Variants in SYNE2 observed in about 807,000 individuals in gnomAD.
SYNE2 encodes the protein nesprin-2.
In SYNE2, 431 loss-of-function variants were observed where a neutral mutation model predicts 856.3. That is an observed-to-expected ratio of 0.50 (90% confidence interval 0.47 to 0.55). The LOEUF is 0.55. Ranked by LOEUF, SYNE2 falls within the 20% of genes least tolerant of loss-of-function variation. SYNE2 has a pLI of 0.00. For synonymous variants in SYNE2, 2,923 were observed against 2,872.3 expected (o/e 1.02, Z -0.56); for missense variants, 8,129 against 8,023.2 (o/e 1.01, Z -0.50).
chr14:64,225,002 A>C lies in SYNE2; in HGVS notation c.20473A>C (p.Arg6825=). The part of the protein sequence containing the change: ...TSVPAPRAKF[R]AVRTTEGEEE... ...CTGGAGTTTCTTTACCCAGCAGTTCAGAGCAGTGAGAACTACAGAAGGCGA... is the reference window on the plus strand; with the variant it reads ...CTGGAGTTTCTTTACCCAGCAGTTCCGAGCAGTGAGAACTACAGAAGGCGA... The change falls in exon 115 of 116, where the codon AGA becomes CGA. Residue 6825 remains arginine, a synonymous_variant. Transcript: ENST00000555002. 2 of 1,613,884 alleles carry C rather than the reference A, an allele frequency of 1.2e-6. No homozygotes were observed. The highest frequency in any genetic ancestry group is 1.7e-6 in the Non-Finnish European group (2 of 1,179,952).
chr14:63,816,795 C>T (rs192444268), intron 1 of SYNE2, among the ~76,000 whole-genome samples: 2 of 152,100 alleles, frequency 1.3e-5, no homozygotes. Context: ...TAGCTCACTG[C>T]AGCCGTGAAC....
chr14:63,948,772 A>G (rs865967053), intron 6 of SYNE2, among the ~76,000 whole-genome samples: 4,124 of 54,716 alleles, frequency 0.075, 407 homozygotes, highest in South Asian at 0.16. Context: ...ATATATATGT[A>G]TGTGTGTGTG....
intron 11 of SYNE2, among the ~76,000 whole-genome samples, chr14:63,974,916 A>ATATATATATATATATATG (rs2096529237): frequency 1.2e-5 from 1 of 85,492 alleles, no homozygotes; most frequent in African/African-American, 4.5e-5. Context: ...ATATATATAT[A>ATATATATATATATATATG]TGTATCTTGA....
At chr14:64,081,351 C>A (rs561314556) in intron 56 of SYNE2, 92 bp from the exon 57 acceptor site, 8 of 1,536,218 alleles carry the variant, frequency 5.2e-6, no homozygotes, top group Non-Finnish European at 7.2e-6. Context: ...CCTGACACAC[C>A]CCTGACTAAC....
chr14:64,208,218 G>C, intron 100 of SYNE2: 1 of 453,870 alleles, frequency 2.2e-6, no homozygotes, highest in South Asian at 1.6e-5. Flanking sequence ...TTTCTCCCTT[G>C]GGCTCATGAA....
At chr14:63,886,224 A>G (rs976082111) in intron 1 of SYNE2, among the ~76,000 whole-genome samples, 4 of 152,072 alleles carry the variant, frequency 2.6e-5, no homozygotes, top group African/African-American at 9.7e-5. Context: ...CAAACTTATC[A>G]CCTCTGATTA....
chr14:64,007,973 G>C (rs1208722784), intron 31 of SYNE2, among the ~76,000 whole-genome samples: 1 of 152,116 alleles, frequency 6.6e-6, no homozygotes, highest in Non-Finnish European at 1.5e-5. Flanking sequence ...TAGCACCACC[G>C]TACTTCAGAG....
chr14:64,016,342 A>G (rs954237280), intron 32 of SYNE2, 131 bp from the exon 33 acceptor site: 6 of 618,412 alleles, frequency 9.7e-6, no homozygotes, highest in Non-Finnish European at 1.6e-5. Context: ...ACTTTAAAAA[A>G]GAACAATGTA....
chr14:63,914,319 G>C (rs2095510053), intron 2 of SYNE2, among the ~76,000 whole-genome samples: 1 of 152,196 alleles, frequency 6.6e-6, no homozygotes, highest in South Asian at 2.1e-4. Flanking sequence ...TGTAATTTGA[G>C]ACCAAAGTAG....
In SYNE2 at chr14:64,002,884, G is replaced by T. The variant is rs911680539; in HGVS notation, c.3951G>T (p.Arg1317Ser). The T allele has an allele frequency of 3.1e-6, 5 of 1,614,060 alleles. No individual in the cohort carries two copies. The Admixed American group carries it at 8.3e-5, about 27-fold the overall frequency. Reference protein sequence around the residue: ...QFEGMNHRVQRSEDTLKALED... With the variant: ...QFEGMNHRVQSSEDTLKALED... ...AAGGAATGAACCACAGGGTGCAGAGGAGTGAAGATACTCTCAAAGCTCTGG... is the reference window on the plus strand; with the variant it reads ...AAGGAATGAACCACAGGGTGCAGAGTAGTGAAGATACTCTCAAAGCTCTGG... Residue 1317 changes from arginine to serine, a missense_variant, in exon 30 of 116, where the codon AGG becomes AGT. Around this residue, in one of 3 missense-constraint regions of SYNE2, gnomAD observed 2,422 missense variants for 2,357.4 expected, o/e 1.03. Coordinates refer to ENST00000555002, the MANE Select transcript of SYNE2 (RefSeq NM_182914.3).
At chr14:63,984,486 T>C (rs1483432098) in intron 18 of SYNE2, among the ~76,000 whole-genome samples, 1 of 152,196 alleles carries the variant, frequency 6.6e-6, no homozygotes, top group Non-Finnish European at 1.5e-5. Context: ...TGCACAGAAA[T>C]TGGCTACCTT....
intron 1 of SYNE2, among the ~76,000 whole-genome samples, chr14:63,903,845 A>AT (rs941058659): frequency 7.5e-5 from 11 of 146,274 alleles, no homozygotes; most frequent in Admixed American, 1.4e-4. Flanking sequence ...CATTCTATAT[A>AT]TTTTTTTAAA....
chr14:64,181,364 G>A (rs1047447549), intron 96 of SYNE2, among the ~76,000 whole-genome samples: 1 of 152,214 alleles, frequency 6.6e-6, no homozygotes, highest in African/African-American at 2.4e-5. Context: ...ATAATTTGGA[G>A]TCATGCTCTC....
chr14:63,948,166 T>TACACACACACACACACACAC (rs59063086), intron 6 of SYNE2, among the ~76,000 whole-genome samples: 2 of 147,252 alleles, frequency 1.4e-5, no homozygotes, highest in South Asian at 2.1e-4. Context: ...GACACACACA[T>TACACACACACACACACACAC]ACACACACAC....
Position 63,909,142 on chromosome 14 carries a change from T to G in SYNE2, c.-7T>G. On this transcript the variant is annotated 5_prime_UTR_variant, in exon 2 of 116. Transcript: ENST00000555002. ...TGGACATGATATAATCTCCATTGAG[T>G]CAAAGAATGGCATCTAGTCCTGAGC... 3.1e-6 allele frequency: 5 copies of G among 1,601,726 alleles called. No individual in the cohort carries two copies. Among genetic ancestry groups the G allele is most frequent in the Non-Finnish European group, 4.3e-6 (5 of 1,168,934 alleles).
In SYNE2 at chr14:64,177,347, T is replaced by C; in HGVS notation, c.17431-11T>C. On this transcript the variant is annotated splice_polypyrimidine_tract_variant and intron_variant, in intron 95 of 115. Transcript: ENST00000555002. ...AAAATACTTACCAGTTTTAATCTTG[T>C]TTTCAAATAGACCTGGGACCAGTGT... 6.2e-7 allele frequency: 1 copy of C among 1,614,170 alleles called. No homozygotes were observed. The highest frequency in any genetic ancestry group is 8.5e-7 in the Non-Finnish European group (1 of 1,180,030).
intron 1 of SYNE2, among the ~76,000 whole-genome samples, chr14:63,878,400 G>A (rs1323381071): frequency 2.6e-5 from 4 of 152,186 alleles, no homozygotes; most frequent in African/African-American, 9.7e-5. Flanking sequence ...GGGAGGATTG[G>A]TTGATTGTCT....
rs143686889 is a variant in SYNE2, at chr14:64,141,370, C to T, written c.15006C>T (p.Ser5002=). The T allele has an allele frequency of 1.8e-4, 287 of 1,613,380 alleles. 2 individuals carry two copies. In the African/African-American group the frequency reaches 3.4e-3, roughly 19 times the overall value. Reference sequence around the variant, plus strand: ...TTTCAAAAGAAGTTGATGAAAAATCCTCCTTGAAGACTGCCGTTATCAGTA... The same window carrying T: ...TTTCAAAAGAAGTTGATGAAAAATCTTCCTTGAAGACTGCCGTTATCAGTA... ...FEFSKEVDEK[S]SLKTAVISIG... Residue 5002 remains serine (S), a synonymous_variant, in exon 81 of 116, where the codon TCC becomes TCT. Coordinates refer to ENST00000555002, the MANE Select transcript of SYNE2 (RefSeq NM_182914.3).
chr14:64,085,927 A>G (rs1361915071), intron 57 of SYNE2, among the ~76,000 whole-genome samples: 1 of 152,198 alleles, frequency 6.6e-6, no homozygotes, highest in Non-Finnish European at 1.5e-5. Flanking sequence ...CATATATGTC[A>G]TTTACAAATA....
Sources: allele counts gnomAD v4.1 joint callset (sites outside exome capture counted in the v4.1 genomes callset), GRCh38; gene constraint gnomAD v4.1.1; regional missense constraint gnomAD v4.1.1; transcripts MANE v1.5; gene names NCBI Gene and HGNC (gene_info 2026-07-23, HGNC 2026-07-21).